TSHR: variants seen among roughly 807,000 people sequenced by gnomAD.
TSHR encodes thyroid stimulating hormone receptor, also known as thyrotropin receptor.
In TSHR, 51 loss-of-function variants were observed where a neutral mutation model predicts 64.1. The ratio of observed to expected loss-of-function variants is 0.80; its 90% CI spans 0.64 to 1.01. The LOEUF is 1.01. Ranked by LOEUF, TSHR falls within the 50% of genes least tolerant of loss-of-function variation. The pLI, the probability that TSHR is intolerant of heterozygous loss-of-function variation, is 0.00. For synonymous variants in TSHR, 361 were observed against 361.9 expected (o/e 1.00, Z 0.03); for missense variants, 877 against 942.8 (o/e 0.93, Z 0.91).
At chr14:80,962,094 T>TGGGCCTCAGTTTCTCC (rs1566738451) in intron 1 of TSHR, among the ~76,000 whole-genome samples, 1 of 152,202 alleles carries the variant, frequency 6.6e-6, no homozygotes, top group East Asian at 1.9e-4. Flanking sequence ...TTAGTTCCTC[T>TGGGCCTCAGTTTCTCC]GGGCCTCAGT....
chr14:81,146,067 C>T lies in TSHR; in HGVS notation c.*1714C>T, dbSNP rs1330124743. 1.3e-5 allele frequency: 3 copies of T among 230,478 alleles called. No homozygotes were observed. Among genetic ancestry groups the T allele is most frequent in the African/African-American group, 6.6e-5 (3 of 45,212 alleles). The allele number at this position is 230,478 out of a possible 1,614,324, so 14.3% of individuals were successfully genotyped here. A position where few individuals can be genotyped will look rare whatever the true frequency, so the allele number is the denominator to read the frequency against. On this transcript the variant is annotated 3_prime_UTR_variant, in exon 10 of 10. Coordinates refer to ENST00000298171, the MANE Select transcript of TSHR (RefSeq NM_000369.5). ...ATATTATAAACATCGAAAATCATGA[C>T]TTACCTAGAAGTTCGCTTGTAACTA...
chr14:81,107,721 G>A (rs1336175000), intron 7 of TSHR, among the ~76,000 whole-genome samples: 1 of 152,082 alleles, frequency 6.6e-6, no homozygotes, highest in South Asian at 2.1e-4. Context: ...TGGGTTGTCA[G>A]ATCAAATACA....
At chr14:80,996,924 A>G (rs1889052580) in intron 1 of TSHR, among the ~76,000 whole-genome samples, 1 of 152,094 alleles carries the variant, frequency 6.6e-6, no homozygotes, top group Non-Finnish European at 1.5e-5. Context: ...CTAATATGAA[A>G]TCATTAAGCT....
At chr14:80,985,302 C>T (rs1182976992) in intron 1 of TSHR, among the ~76,000 whole-genome samples, 2 of 152,194 alleles carry the variant, frequency 1.3e-5, no homozygotes, top group East Asian at 3.9e-4. Flanking sequence ...CTTGCAAAAT[C>T]ATGCCTTAAT....
intron 1 of TSHR, among the ~76,000 whole-genome samples, chr14:80,977,422 T>G (rs907392129): frequency 6.6e-6 from 1 of 152,214 alleles, no homozygotes; most frequent in Non-Finnish European, 1.5e-5. Context: ...ACTTAATGTA[T>G]TCTACAGAGC....
At chr14:81,079,193 T>C (rs1330973064) in intron 3 of TSHR, among the ~76,000 whole-genome samples, 1 of 152,174 alleles carries the variant, frequency 6.6e-6, no homozygotes, top group Non-Finnish European at 1.5e-5. Context: ...GTAATAAAGA[T>C]TTATATCTGC....
At chr14:81,068,911 T>C (rs1185186893) in intron 3 of TSHR, among the ~76,000 whole-genome samples, 10 of 152,134 alleles carry the variant, frequency 6.6e-5, no homozygotes, top group Admixed American at 3.9e-4. Context: ...TTATATAATA[T>C]CTAGCACCTG....
At chr14:81,129,968 G>A (rs1891171130) in intron 8 of TSHR, among the ~76,000 whole-genome samples, 1 of 152,022 alleles carries the variant, frequency 6.6e-6, no homozygotes, top group Non-Finnish European at 1.5e-5. Context: ...TTAAAACAAT[G>A]TTTCGTGAAT....
At chr14:81,044,620 T>C (rs1378039630) in intron 1 of TSHR, among the ~76,000 whole-genome samples, 1 of 144,096 alleles carries the variant, frequency 6.9e-6, no homozygotes, top group Non-Finnish European at 1.5e-5. Flanking sequence ...ATTGCGCCAC[T>C]GCACTCCAGC....
chr14:81,036,056 G>T (rs1884608633), intron 1 of TSHR, among the ~76,000 whole-genome samples: 1 of 151,918 alleles, frequency 6.6e-6, no homozygotes, highest in Non-Finnish European at 1.5e-5. Context: ...AAAGAAAAAA[G>T]AATAAAAAGA....
chr14:81,067,927 C>CTATATATACATA (rs1555376250), intron 2 of TSHR, among the ~76,000 whole-genome samples: 2 of 95,798 alleles, frequency 2.1e-5, no homozygotes, highest in African/African-American at 1.2e-4. Flanking sequence ...CAGGGTGACA[C>CTATATATACATA]TATATATATA....
chr14:81,032,707 T>C (rs552139709), intron 1 of TSHR: 10 of 431,568 alleles, frequency 2.3e-5, no homozygotes, highest in Non-Finnish European at 4.6e-5. Flanking sequence ...AAGAAGGGAC[T>C]CATGCCTGCC....
rs28516678 is a variant in TSHR at position 81,108,500 on chromosome 14, T to C, written c.692+48T>C. 10 of 1,014,016 alleles carry C rather than the reference T, an allele frequency of 9.9e-6. No individual in the cohort carries two copies. In the East Asian group the frequency reaches 1.8e-4, roughly 19 times the overall value. The allele number at this position is 1,014,016 out of a possible 1,614,324, so 62.8% of individuals were successfully genotyped here. A position where few individuals can be genotyped will look rare whatever the true frequency, so the allele number is the denominator to read the frequency against. On this transcript the variant is annotated intron_variant, in intron 8 of 9. Coordinates refer to ENST00000298171, the MANE Select transcript of TSHR (RefSeq NM_000369.5). ...TATTTTAGTCTTTTTTTTTCTTTTT[T>C]TTTTTTTGGAATAAATGGAGACATT...
intron 4 of TSHR, among the ~76,000 whole-genome samples, chr14:81,088,825 T>A (rs568047855): frequency 6.6e-6 from 1 of 152,164 alleles, no homozygotes. Context: ...AACAAACTTA[T>A]GTTATCATAG....
At chr14:81,096,405 G>A (rs1490635669) in intron 6 of TSHR, among the ~76,000 whole-genome samples, 1 of 152,136 alleles carries the variant, frequency 6.6e-6, no homozygotes, top group East Asian at 1.9e-4. Context: ...ATGATTCTGA[G>A]AAACACCTTA....
At chr14:81,122,428 G>A (rs1890841286) in intron 8 of TSHR, among the ~76,000 whole-genome samples, 1 of 151,330 alleles carries the variant, frequency 6.6e-6, no homozygotes, top group African/African-American at 2.4e-5. Flanking sequence ...TAAAAAGAGA[G>A]AGACAGATGG....
chr14:81,101,062 C>T lies in TSHR; in HGVS notation c.614+4355C>T, dbSNP rs141444050. Among the ~76,000 whole-genome samples, 1,362 of 152,296 alleles carry T rather than the reference C, an allele frequency of 8.9e-3. 24 individuals are homozygous for T. Among genetic ancestry groups the T allele is most frequent in the African/African-American group, 0.031 (1,282 of 41,548 alleles). On this transcript the variant is annotated intron_variant, in intron 7 of 9. Coordinates refer to ENST00000298171, the MANE Select transcript of TSHR (RefSeq NM_000369.5). ...CATCCTGAAGCTATCTAGGGATTGA[C>T]AGTCACCAGTCATCTCATCAGCATA...
intron 3 of TSHR, among the ~76,000 whole-genome samples, chr14:81,072,173 T>G (rs901364548): frequency 1.3e-5 from 2 of 152,230 alleles, no homozygotes; most frequent in African/African-American, 2.4e-5. Context: ...GATTAATAGT[T>G]AATATACTAT....
In TSHR at chr14:81,046,510, T is replaced by TA. The variant is rs151139060; in HGVS notation, c.171-15628dup. On this transcript the variant is annotated intron_variant, in intron 1 of 9. Coordinates refer to ENST00000298171, the MANE Select transcript of TSHR (RefSeq NM_000369.5). ...TAAGCCCAGAGAGGGGAAAAAAATATAAAAAAAAAACAAAAAAATTGAGTG... is the reference window on the plus strand; with the variant it reads ...TAAGCCCAGAGAGGGGAAAAAAATATAAAAAAAAAAACAAAAAAATTGAGTG... Among the ~76,000 whole-genome samples, 1,244 of 139,512 alleles carry TA rather than the reference T, an allele frequency of 8.9e-3. 14 individuals carry two copies. Among genetic ancestry groups the TA allele is most frequent in the African/African-American group, 0.027 (1,036 of 38,038 alleles). 91.5% of individuals were successfully genotyped at this position (139,512 alleles called of 152,430 possible).
Sources: allele counts gnomAD v4.1 joint callset (sites outside exome capture counted in the v4.1 genomes callset), GRCh38; gene constraint gnomAD v4.1.1; transcripts MANE v1.5; gene names NCBI Gene and HGNC (gene_info 2026-07-23, HGNC 2026-07-21).